NUP85: variants seen among roughly 807,000 people sequenced by gnomAD.
The protein encoded by NUP85 is nucleoporin 85.
A neutral mutation model predicts 92.8 loss-of-function variants in NUP85; 23 were observed. That is an observed-to-expected ratio of 0.25 (90% CI 0.18 to 0.35). NUP85 has a LOEUF of 0.35. Ranked by LOEUF, NUP85 falls within the 10% of genes least tolerant of loss-of-function variation. NUP85 has a pLI of 1.00. For missense variants in NUP85, 759 were observed against 822.8 expected, an observed-to-expected ratio of 0.92 and a Z score of 0.95; for synonymous variants, 314 against 306.9, an observed-to-expected ratio of 1.02 and a Z score of -0.24.
intron 7 of NUP85, among the ~76,000 whole-genome samples, chr17:75,223,727 C>CT (rs2075667597): frequency 1.3e-5 from 2 of 152,054 alleles, no homozygotes; most frequent in Non-Finnish European, 2.9e-5. Context: ...TGAACTGAAA[C>CT]TTTTATGAAC....
chr17:75,225,768 T>C lies in NUP85; in HGVS notation c.926T>C (p.Val309Ala), dbSNP rs2075769277. The change falls in exon 10 of 19, where the codon GTG becomes GCG. Residue 309 changes from valine to alanine, a missense_variant. Coordinates refer to ENST00000245544, the MANE Select transcript of NUP85 (RefSeq NM_024844.5). ...ELLSNWYHFL[V>A]TRLLYSNPTV... ...CTGAGTAATTGGTATCATTTCCTAG[T>C]GACTCGGCTCTTGTACTCCAATCCC... 6.2e-7 allele frequency: 1 copy of C among 1,614,022 alleles called. No homozygotes were observed. The highest frequency in any genetic ancestry group is 1.7e-5 in the Admixed American group (1 of 59,996).
chr17:75,210,075 G>A (rs1002617901), intron 3 of NUP85, 90 bp downstream of exon 3: 3 of 1,320,792 alleles, frequency 2.3e-6, no homozygotes, highest in Non-Finnish European at 3.1e-6. Context: ...TGTTTTATGG[G>A]TTGCGTAAAG....
Position 75,231,947 on chromosome 17 carries a change from G to C in NUP85, c.1364G>C (p.Arg455Pro). The C allele has an allele frequency of 6.2e-7, 1 of 1,614,184 alleles. No individual in the cohort carries two copies. Among genetic ancestry groups the C allele is most frequent in the Non-Finnish European group, 8.5e-7 (1 of 1,180,034 alleles). Residue 455 changes from arginine to proline, a missense_variant, in exon 14 of 19, where the codon CGG (arginine) becomes CCG (proline). Transcript: ENST00000245544. This position sits in a 1 kb window ranked among gnomAD's most constrained non-coding sequence, Gnocchi z 4.6. ...GAGCAGAAAGCCCTGAAGGTGCTGC[G>C]GATCTGTGAGCAGCGGCAGATGACT... Reference protein sequence around the residue: ...NTEQKALKVLRICEQRQMTEQ... With the variant: ...NTEQKALKVLPICEQRQMTEQ...
chr17:75,205,783 C>T lies in NUP85; in HGVS notation c.22C>T (p.Pro8Ser), dbSNP rs1467926464. 1.3e-5 allele frequency: 21 copies of T among 1,614,036 alleles called. No individual in the cohort carries two copies. The highest frequency in any genetic ancestry group is 1.7e-5 in the Non-Finnish European group (20 of 1,180,014). Residue 8 changes from proline to serine, a missense_variant, in exon 1 of 19, where the codon CCA becomes TCA. By Grantham distance (74) the Pro-to-Ser change is moderately conservative (BLOSUM62 -1). Transcript: ENST00000245544. MEELDGE[P>S]TVTLIPGVNS... is the part of the protein sequence containing the mutation. ...CGCTATGGAGGAGCTCGATGGCGAG[C>T]CAACAGTCACTGTAAGGGTACCCCG...
At chr17:75,234,510 C>T in intron 16 of NUP85, 127 bp from the exon 17 acceptor site, 1 of 860,478 alleles carries the variant, frequency 1.2e-6, no homozygotes, top group East Asian at 2.4e-5. Flanking sequence ...AAAAAAATCT[C>T]CTGCTTTGTG....
intron 16 of NUP85, among the ~76,000 whole-genome samples, chr17:75,234,145 G>A (rs779533326): frequency 3.3e-5 from 5 of 150,730 alleles, no homozygotes; most frequent in Non-Finnish European, 7.4e-5. Flanking sequence ...TCCACCTCCC[G>A]GGTTCAAGCC....
Position 75,226,060 on chromosome 17 carries a change from G to C in NUP85, c.997G>C (p.Asp333His), listed in dbSNP as rs747893446. ...DLHYYAQSSL[D>H]LFLGGESSPE... ...CATCACCTTTCCACAGTCCAGCCTG[G>C]ACCTGTTTCTGGGAGGTGAGAGCAG... The change falls in exon 11 of 19, where the codon GAC (aspartate) becomes CAC (histidine). Residue 333 changes from aspartate (D) to histidine (H), a missense_variant. Coordinates refer to ENST00000245544, the MANE Select transcript of NUP85 (RefSeq NM_024844.5). The C allele has an allele frequency of 5.6e-6, 9 of 1,614,088 alleles. 1 individual carries two copies. The highest frequency in any genetic ancestry group is 4.2e-6 in the Non-Finnish European group (5 of 1,180,010).
At chr17:75,226,698 TC>T (rs1198397830) in intron 11 of NUP85, 3 of 431,524 alleles carry the variant, frequency 7.0e-6, no homozygotes, top group African/African-American at 2.0e-5. Context: ...CTTAGGGACT[TC>T]CTGGAGGCTT....
At chr17:75,214,065 C>T (rs1048237477) in intron 5 of NUP85, among the ~76,000 whole-genome samples, 1 of 148,308 alleles carries the variant, frequency 6.7e-6, no homozygotes, top group African/African-American at 2.5e-5. Flanking sequence ...AGGATGCTCT[C>T]GATCTCCTGA....
Position 75,205,773 on chromosome 17 carries a change from C to T in NUP85, c.12C>T (p.Leu4=). The part of the protein sequence containing the change: MEE[L]DGEPTVTLIP... Reference sequence around the variant, plus strand: ...TGGGGTTCGGCGCTATGGAGGAGCTCGATGGCGAGCCAACAGTCACTGTAA... The same window carrying T: ...TGGGGTTCGGCGCTATGGAGGAGCTTGATGGCGAGCCAACAGTCACTGTAA... The change falls in exon 1 of 19, where the codon CTC becomes CTT. Residue 4 remains leucine, a synonymous_variant. Transcript: ENST00000245544. The T allele has an allele frequency of 5.6e-6, 9 of 1,614,152 alleles. No individual in the cohort carries two copies. Among genetic ancestry groups the T allele is most frequent in the Non-Finnish European group, 6.8e-6 (8 of 1,180,022 alleles).
Position 75,226,172 on chromosome 17 carries a change from A to G in NUP85, c.1094+15A>G, listed in dbSNP as rs781540293. On this transcript the variant is annotated intron_variant, in intron 11 of 18. Coordinates refer to ENST00000245544, the MANE Select transcript of NUP85 (RefSeq NM_024844.5). ...AAAGAGTGCAGGTAGGATCTCTCCC[A>G]CCCCCCACTGTAACCATTTTTAGGT... The G allele has an allele frequency of 1.9e-5, 30 of 1,603,208 alleles. No homozygotes were observed. The highest frequency in any genetic ancestry group is 2.7e-5 in the African/African-American group (2 of 74,308).
At chr17:75,224,575 G>C (rs1021507410) in intron 7 of NUP85, among the ~76,000 whole-genome samples, 1 of 151,732 alleles carries the variant, frequency 6.6e-6, no homozygotes, top group African/African-American at 2.4e-5. Flanking sequence ...GCTCACGCCT[G>C]TAATCCCAAC....
chr17:75,215,749 C>G lies in NUP85; in HGVS notation c.406-5C>G, dbSNP rs368429246. The G allele has an allele frequency of 8.1e-6, 13 of 1,613,614 alleles. No individual in the cohort carries two copies. The African/African-American group carries it at 1.7e-4, about 22-fold the overall frequency. ...AGGTGAAACCTGTCCCCATTTCTTC[C>G]TTAGGTCTCCATTTTGTCAGCAATG... On this transcript the variant is annotated splice_polypyrimidine_tract_variant and splice_region_variant and intron_variant, in intron 5 of 18. Coordinates refer to ENST00000245544, the MANE Select transcript of NUP85 (RefSeq NM_024844.5).
intron 5 of NUP85, 79 bp downstream of exon 5, chr17:75,213,198 C>A (rs2075326035): frequency 8.1e-7 from 1 of 1,234,378 alleles, no homozygotes; most frequent in East Asian, 2.4e-5. Flanking sequence ...CTTTGCAGTT[C>A]CTGTTATGGC....
intron 7 of NUP85, among the ~76,000 whole-genome samples, chr17:75,219,298 A>C (rs1568077406): frequency 6.6e-6 from 1 of 152,128 alleles, no homozygotes; most frequent in Non-Finnish European, 1.5e-5. Context: ...TCGTTTAGAG[A>C]CAGGGTTTCG....
chr17:75,210,923 G>A (rs1289173594), intron 3 of NUP85, among the ~76,000 whole-genome samples: 4 of 150,914 alleles, frequency 2.7e-5, no homozygotes, highest in Non-Finnish European at 5.9e-5. Flanking sequence ...GGATGGTCTC[G>A]ATCTCGTGAC....
In NUP85 at chr17:75,235,740, ATGT is replaced by A. The variant is rs1301082927; in HGVS notation, c.*66_*68del. On this transcript the variant is annotated 3_prime_UTR_variant, in exon 19 of 19. Transcript: ENST00000245544. ...TATATAGATTTTTTTAAAAGAATAAATGTTGTTTTGCAAATGTAGGTTCTTAGA... is the reference window on the plus strand; with the variant it reads ...TATATAGATTTTTTTAAAAGAATAAATGTTTTGCAAATGTAGGTTCTTAGA... 5.3e-6 allele frequency: 7 copies of A among 1,308,512 alleles called. No homozygotes were observed. Among genetic ancestry groups the A allele is most frequent in the African/African-American group, 4.4e-5 (3 of 68,130 alleles). The allele number at this position is 1,308,512 out of a possible 1,614,324, so 81.1% of individuals were successfully genotyped here.
At chr17:75,226,419 C>T (rs1598316643) in intron 11 of NUP85, among the ~76,000 whole-genome samples, 1 of 152,258 alleles carries the variant, frequency 6.6e-6, no homozygotes, top group East Asian at 1.9e-4. Flanking sequence ...CTGCTTCCAA[C>T]ATGGCACCTT....
At chr17:75,222,801 C>T (rs921008963) in intron 7 of NUP85, among the ~76,000 whole-genome samples, 10 of 151,648 alleles carry the variant, frequency 6.6e-5, no homozygotes, top group East Asian at 1.9e-4. Context: ...TTTGGGAGGC[C>T]GAGGCGGGCG....
Sources: gnomAD v4.1 joint callset for allele counts (sites outside exome capture counted in the v4.1 genomes callset) on GRCh38, gnomAD v4.1.1 for gene constraint, Gnocchi (gnomAD v3.1) non-coding constraint, MANE v1.5 for transcripts, NCBI Gene and HGNC (gene_info 2026-07-23, HGNC 2026-07-21) for gene names.